Variants in RIF1 observed in about 807,000 individuals in gnomAD.
RIF1 encodes telomere-associated protein RIF1.
In RIF1, 45 loss-of-function variants were observed where a neutral mutation model predicts 247.1. The observed-to-expected ratio is 0.18, with a 90% confidence interval of 0.14 to 0.23. The LOEUF (loss-of-function observed/expected upper bound fraction) is 0.23, where lower values mean the gene tolerates loss of function less well. RIF1 is among the 10% of genes least tolerant of loss of function. RIF1 has a pLI of 1.00. For missense variants in RIF1, 2,967 were observed against 2,862.5 expected, an observed-to-expected ratio of 1.04 and a Z score of -0.83; for synonymous variants, 1,087 against 978.8, an observed-to-expected ratio of 1.11 and a Z score of -2.06.
chr2:151,416,971 G>T, intron 6 of RIF1, 70 bp downstream of exon 6: 1 of 1,192,594 alleles, frequency 8.4e-7, no homozygotes, highest in Non-Finnish European at 1.2e-6. Flanking sequence ...AGGGTTTTTG[G>T]GATTTAAATG....
At position 151,477,404 on chromosome 2, in the gene RIF1, A is replaced by G. The variant is rs1163946824; in HGVS notation, c.*2333A>G. The G allele has an allele frequency of 1.3e-5, 2 of 151,802 alleles. No individual in the cohort carries two copies. The highest frequency in any genetic ancestry group is 2.9e-5 in the Non-Finnish European group (2 of 67,926). 9.4% of individuals were successfully genotyped at this position (151,802 alleles called of 1,614,324 possible). ...GAAGAAAAAACTAGTGGCATACAGG[A>G]TTGTCATGTAGTATCTTTTTTTTTT... On this transcript the variant is annotated 3_prime_UTR_variant, in exon 36 of 36. Transcript: ENST00000444746.
At position 151,461,142 on chromosome 2, in the gene RIF1, A is replaced by T. The variant is rs1172851033; in HGVS notation, c.3080A>T (p.Lys1027Ile). The T allele has an allele frequency of 6.2e-7, 1 of 1,603,150 alleles. No individual in the cohort carries two copies. Among genetic ancestry groups the T allele is most frequent in the Non-Finnish European group, 8.5e-7 (1 of 1,177,508 alleles). Residue 1027 changes from lysine to isoleucine, a missense_variant, in exon 27 of 36, where the codon AAA (lysine) becomes ATA (isoleucine). This residue lies in a region of RIF1 where 2,028 missense variants were observed against 1,825.6 expected (regional missense o/e 1.11). Coordinates refer to ENST00000444746, the MANE Select transcript of RIF1 (RefSeq NM_018151.5). The stretch of plus-strand genomic sequence containing the variant: ...CTTATTTTTTCAAATCTGCAGCTGA[A>T]ACTTGAATCTTCGTCTTTAAAAGTA... Reference protein sequence around the residue: ...KENMKPAAKLKLESSSLKVKG... With the variant: ...KENMKPAAKLILESSSLKVKG...
At chr2:151,446,369 A>G in intron 19 of RIF1, 57 bp from the exon 20 acceptor site, 1 of 1,451,410 alleles carries the variant, frequency 6.9e-7, no homozygotes, top group East Asian at 2.3e-5. Context: ...TTGATTCTAT[A>G]AACTTTGATA....
At chr2:151,504,101 T>G (rs2153134923) in intron 12 of RIF1, among the ~76,000 whole-genome samples, 1 of 152,308 alleles carries the variant, frequency 6.6e-6, no homozygotes, top group Admixed American at 6.5e-5. Flanking sequence ...TTAAGGAACC[T>G]CCACTCTCTG....
chr2:151,490,255 A>G, intron 9 of RIF1: 23 of 1,341,242 alleles, frequency 1.7e-5, no homozygotes, highest in Non-Finnish European at 2.3e-5. Flanking sequence ...GTCTTTTCTC[A>G]TTAAAGGAAA....
chr2:151,443,728 A>G lies in RIF1; in HGVS notation c.1986+19A>G. 1.4e-6 allele frequency: 2 copies of G among 1,448,470 alleles called. No individual in the cohort carries two copies. Among genetic ancestry groups the G allele is most frequent in the Non-Finnish European group, 1.8e-6 (2 of 1,095,880 alleles). 89.7% of individuals were successfully genotyped at this position (1,448,470 alleles called of 1,614,324 possible). On this transcript the variant is annotated intron_variant, in intron 18 of 35. Coordinates refer to ENST00000444746, the MANE Select transcript of RIF1 (RefSeq NM_018151.5). Reference sequence around the variant, plus strand: ...TAATCAGGTATGAAATAAATCTGCTACGTATTTTGGATAATAGACCTTTTT... The same window carrying G: ...TAATCAGGTATGAAATAAATCTGCTGCGTATTTTGGATAATAGACCTTTTT...
the RIF1 span, chr2:151,531,786 A>G: frequency 6.3e-7 from 1 of 1,599,774 alleles, no homozygotes; most frequent in Non-Finnish European, 8.6e-7. Context: ...TGTTTCTTGC[A>G]CTTACATCGC....
At position 151,464,960 on chromosome 2, in the gene RIF1, T is replaced by A; in HGVS notation, c.5440T>A (p.Ser1814Thr). The change falls in exon 30 of 36, where the codon TCT becomes ACT. Residue 1814 changes from serine to threonine, a missense_variant. Ser to Thr is a moderately conservative substitution (Grantham distance 58, BLOSUM62 1). Around this residue, in one of 7 missense-constraint regions of RIF1, gnomAD observed 2,028 missense variants for 1,825.6 expected, o/e 1.11. Transcript: ENST00000444746. ...NDTINDSLIV[S>T]ETKSKENTMQ... The stretch of plus-strand genomic sequence containing the variant: ...TACTATTAATGATTCATTAATTGTT[T>A]CTGAAACCAAATCAAAAGAAAACAC... 6.4e-7 allele frequency: 1 copy of A among 1,573,254 alleles called. No homozygotes were observed. The highest frequency in any genetic ancestry group is 1.4e-5 in the African/African-American group (1 of 72,644).
At chr2:151,436,790 C>T (rs1212396550) in intron 11 of RIF1, 37 bp from the exon 12 acceptor site, 3 of 1,463,022 alleles carry the variant, frequency 2.1e-6, no homozygotes, top group South Asian at 2.8e-5. Context: ...ATAAAATGAG[C>T]TTGTATGACT....
At chr2:151,528,758 C>T in the RIF1 span, among the ~76,000 whole-genome samples, 48 of 152,250 alleles carry the variant, frequency 3.2e-4, no homozygotes, top group Admixed American at 1.9e-3. Context: ...AGAGAGTCAA[C>T]GCAGGGAATA....
chr2:151,445,467 AT>A, intron 19 of RIF1, 22 bp downstream of exon 19: 1 of 1,111,328 alleles, frequency 9.0e-7, no homozygotes, highest in Non-Finnish European at 1.4e-6. Flanking sequence ...TCAAGTATTG[AT>A]TTCCGAGGGA....
chr2:151,491,192 G>T (rs1368037461), intron 9 of RIF1: 3 of 157,444 alleles, frequency 1.9e-5, no homozygotes, highest in Non-Finnish European at 2.8e-5. Flanking sequence ...CACCACTCGC[G>T]GCTAATTTTT....
intron 20 of RIF1, among the ~76,000 whole-genome samples, chr2:151,446,870 C>T (rs1012997163): frequency 6.6e-6 from 1 of 151,894 alleles, no homozygotes; most frequent in East Asian, 1.9e-4. Flanking sequence ...CTTTCTCATA[C>T]GTATCTGTTA....
chr2:151,432,022 T>TATTC (rs1197205405), intron 9 of RIF1, among the ~76,000 whole-genome samples: 14 of 152,168 alleles, frequency 9.2e-5, no homozygotes, highest in Admixed American at 7.9e-4. Context: ...TTTATTTATT[T>TATTC]ATTCAGGACG....
chr2:151,431,519 C>T (rs539256883), intron 9 of RIF1, among the ~76,000 whole-genome samples: 1 of 152,296 alleles, frequency 6.6e-6, no homozygotes, highest in African/African-American at 2.4e-5. Flanking sequence ...AGAGTCCAGA[C>T]GTGGTGGCTC....
intron 11 of RIF1, among the ~76,000 whole-genome samples, chr2:151,502,324 C>T (rs2065259232): frequency 6.6e-6 from 1 of 151,546 alleles, no homozygotes; most frequent in African/African-American, 2.4e-5. Context: ...CACTAAAGAA[C>T]TTAGTAACCA....
chr2:151,457,953 G>A lies in RIF1; in HGVS notation c.2845G>A (p.Glu949Lys). The A allele has an allele frequency of 1.2e-6, 2 of 1,612,794 alleles. No individual in the cohort carries two copies. The highest frequency in any genetic ancestry group is 1.7e-6 in the Non-Finnish European group (2 of 1,179,062). The change falls in exon 24 of 36, where the codon GAA (glutamate) becomes AAA (lysine). Residue 949 changes from glutamate to lysine, a missense_variant. This residue lies in a region of RIF1 where 2,028 missense variants were observed against 1,825.6 expected (regional missense o/e 1.11). Transcript: ENST00000444746. The stretch of plus-strand genomic sequence containing the variant: ...CAAAGTGATGATGTTGGTTTATCCT[G>A]AAGAGTTAAAGTATGCTAACAACAA... ...FAKVMMLVYP[E>K]ELKPVLTQAK...
the RIF1 span, chr2:151,519,195 T>G: frequency 1.1e-5 from 8 of 710,892 alleles, no homozygotes; most frequent in Non-Finnish European, 2.0e-5. Flanking sequence ...TCATACCTCA[T>G]TCATAGTAGC....
At chr2:151,520,448 G>GC in the RIF1 span, among the ~76,000 whole-genome samples, 1 of 152,096 alleles carries the variant, frequency 6.6e-6, no homozygotes, top group East Asian at 1.9e-4. Flanking sequence ...GTTTAGGTAG[G>GC]CAGAGGGCTA....
Sources: gnomAD v4.1 joint callset for allele counts (sites outside exome capture counted in the v4.1 genomes callset) on GRCh38, gnomAD v4.1.1 for gene constraint, gnomAD v4.1.1 regional missense constraint, MANE v1.5 for transcripts, NCBI Gene and HGNC (gene_info 2026-07-23, HGNC 2026-07-21) for gene names.